The following GRM8 variants were observed in gnomAD, a reference collection of about 807,000 sequenced individuals.
GRM8 encodes the protein metabotropic glutamate receptor 8.
GRM8 carries 47 observed loss-of-function variants against 87.2 expected under a neutral mutation model. That is an observed-to-expected ratio of 0.54 (90% CI 0.43 to 0.69). The LOEUF is 0.69. GRM8 is among the 30% of genes least tolerant of loss of function. The probability of loss-of-function intolerance (pLI) is 0.00; values close to 1 mark genes in which losing one functional copy is unlikely to be tolerated. For missense variants in GRM8, 1,019 were observed against 1,139.2 expected, an observed-to-expected ratio of 0.89 and a Z score of 1.52; for synonymous variants, 396 against 404.5, an observed-to-expected ratio of 0.98 and a Z score of 0.25.
intron 7 of GRM8, among the ~76,000 whole-genome samples, chr7:126,695,018 T>C (rs1473291801): frequency 2.0e-5 from 3 of 152,176 alleles, no homozygotes; most frequent in Non-Finnish European, 2.9e-5. Context: ...GCCTCATAGA[T>C]ATCCTCGGAA....
intron 7 of GRM8, among the ~76,000 whole-genome samples, chr7:126,710,117 A>G (rs1036345542): frequency 3.3e-5 from 5 of 152,246 alleles, no homozygotes; most frequent in Non-Finnish European, 7.3e-5. Context: ...AAGAAAGTGC[A>G]TAATTTATTT....
chr7:126,532,717 A>C (rs1160161373), intron 9 of GRM8, among the ~76,000 whole-genome samples: 2 of 146,534 alleles, frequency 1.4e-5, no homozygotes, highest in African/African-American at 5.0e-5. Flanking sequence ...ATGGAAAATC[A>C]GGCTTTGTCA....
Position 126,903,775 on chromosome 7 carries a change from G to GTGTA in GRM8, c.1018+196_1018+197insTACA, listed in dbSNP as rs759583815. On this transcript the variant is annotated intron_variant, in intron 5 of 10. Coordinates refer to ENST00000339582, the MANE Select transcript of GRM8 (RefSeq NM_000845.3). The stretch of plus-strand genomic sequence containing the variant: ...TATGTGTATATATATATGTGTGTGT[G>GTGTA]TATATATATATATATATATATATAT... 6.0e-3 allele frequency among the ~76,000 whole-genome samples: 522 copies of GTGTA among 87,658 alleles called. 42 individuals carry two copies. Among genetic ancestry groups the GTGTA allele is most frequent in the African/African-American group, 0.021 (486 of 22,682 alleles). The allele number at this position is 87,658 out of a possible 152,430, so 57.5% of individuals were successfully genotyped here. A position where few individuals can be genotyped will look rare whatever the true frequency, so the allele number is the denominator to read the frequency against.
chr7:127,115,790 A>T (rs1426464886), intron 2 of GRM8, among the ~76,000 whole-genome samples: 1 of 152,226 alleles, frequency 6.6e-6, no homozygotes, highest in Non-Finnish European at 1.5e-5. Flanking sequence ...AAGTTTTACT[A>T]GCAAGTTGGA....
chr7:127,227,588 C>T (rs945866384), intron 2 of GRM8, among the ~76,000 whole-genome samples: 4 of 152,138 alleles, frequency 2.6e-5, no homozygotes, highest in African/African-American at 7.2e-5. Context: ...TTGGTGTTTA[C>T]GGTGTTTCCC....
At chr7:127,010,236 T>C (rs767224668) in intron 3 of GRM8, among the ~76,000 whole-genome samples, 3 of 152,214 alleles carry the variant, frequency 2.0e-5, no homozygotes, top group Non-Finnish European at 4.4e-5. Flanking sequence ...GCAACAGAAC[T>C]GGCCAATATT....
chr7:126,568,876 TC>T (rs1330276630), intron 8 of GRM8, among the ~76,000 whole-genome samples: 1 of 152,076 alleles, frequency 6.6e-6, no homozygotes, highest in Non-Finnish European at 1.5e-5. Context: ...GGATTTGGGA[TC>T]TAGCCAAGAT....
chr7:126,730,765 T>A (rs920011118), intron 7 of GRM8, among the ~76,000 whole-genome samples: 1 of 152,038 alleles, frequency 6.6e-6, no homozygotes, highest in African/African-American at 2.4e-5. Flanking sequence ...CTTTGATATA[T>A]CAAAGTTAAG....
At chr7:126,909,660 TAAC>T (rs1231315236) in intron 3 of GRM8, among the ~76,000 whole-genome samples, 1 of 152,212 alleles carries the variant, frequency 6.6e-6, no homozygotes, top group Non-Finnish European at 1.5e-5. Flanking sequence ...TCTGGTTACT[TAAC>T]AATAATTTAA....
intron 7 of GRM8, among the ~76,000 whole-genome samples, chr7:126,745,392 A>ATATATTATATTATATTATAT (rs71312851): frequency 0.07 from 10,184 of 146,198 alleles, 427 homozygotes; most frequent in Non-Finnish European, 0.088. Flanking sequence ...AGACATAGTC[A>ATATATTATATTATATTATAT]TATATTATAT....
chr7:127,198,599 T>C (rs954067841), intron 2 of GRM8, among the ~76,000 whole-genome samples: 7 of 152,204 alleles, frequency 4.6e-5, no homozygotes, highest in Admixed American at 2.0e-4. Context: ...TGTTGTTTTG[T>C]TTGTCCATTA....
intron 2 of GRM8, among the ~76,000 whole-genome samples, chr7:127,176,899 G>C (rs1274966967): frequency 6.6e-6 from 1 of 152,166 alleles, no homozygotes; most frequent in African/African-American, 2.4e-5. Context: ...GCACCACAGG[G>C]ATCCATTGGG....
Position 126,756,461 on chromosome 7 carries a change from C to A in GRM8, c.1357+13404G>T, listed in dbSNP as rs145410136. On this transcript the variant is annotated intron_variant, in intron 7 of 10. Transcript: ENST00000339582. ...AAAAACTTCTGCTCTAGAAAAGATA[C>A]ATTCAAGAGAAGGAGAAGACAAGCC... 4.1e-4 allele frequency among the ~76,000 whole-genome samples: 63 copies of A among 152,100 alleles called. 1 individual carries two copies. Among genetic ancestry groups the A allele is most frequent in the African/African-American group, 1.4e-3 (57 of 41,522 alleles).
intron 7 of GRM8, among the ~76,000 whole-genome samples, chr7:126,744,101 T>C (rs1349676847): frequency 1.3e-5 from 2 of 151,982 alleles, no homozygotes; most frequent in African/African-American, 2.4e-5. Flanking sequence ...AAAACCTTGA[T>C]GTGTGAGTAA....
intron 6 of GRM8, among the ~76,000 whole-genome samples, chr7:126,874,579 G>C (rs935873390): frequency 4.0e-5 from 6 of 151,880 alleles, no homozygotes; most frequent in African/African-American, 1.5e-4. Flanking sequence ...TCCTCAACAC[G>C]ACCCTGTAAG....
At chr7:126,862,531 T>G (rs895315543) in intron 6 of GRM8, among the ~76,000 whole-genome samples, 1 of 152,074 alleles carries the variant, frequency 6.6e-6, no homozygotes, top group Admixed American at 6.6e-5. Context: ...ATTCCCTACA[T>G]ACTTTTCTTA....
intron 7 of GRM8, among the ~76,000 whole-genome samples, chr7:126,688,625 T>G (rs1486206891): frequency 6.6e-6 from 1 of 151,964 alleles, no homozygotes; most frequent in Non-Finnish European, 1.5e-5. Context: ...AGGCAAAAAA[T>G]ACCAGAAGTT....
chr7:126,587,563 A>C (rs1465240996), intron 8 of GRM8, among the ~76,000 whole-genome samples: 1 of 152,142 alleles, frequency 6.6e-6, no homozygotes, highest in African/African-American at 2.4e-5. Flanking sequence ...CATTTTCAGC[A>C]AACTATCGCA....
chr7:126,997,611 G>C (rs183096934), intron 3 of GRM8, among the ~76,000 whole-genome samples: 2 of 150,126 alleles, frequency 1.3e-5, no homozygotes, highest in African/African-American at 4.9e-5. Flanking sequence ...CATTACAACT[G>C]ATACAACAGG....
Sources: gnomAD v4.1 joint callset for allele counts (sites outside exome capture counted in the v4.1 genomes callset) on GRCh38, gnomAD v4.1.1 for gene constraint, MANE v1.5 for transcripts, NCBI Gene and HGNC (gene_info 2026-07-23, HGNC 2026-07-21) for gene names.